Variants in ZGRF1 observed in about 807,000 individuals in gnomAD.
ZGRF1 encodes the protein 5'-3' DNA helicase ZGRF1.
ZGRF1 carries 196 observed loss-of-function variants against 203.5 expected under a neutral mutation model. The ratio of observed to expected loss-of-function variants is 0.96; its 90% CI spans 0.86 to 1.08. The LOEUF is 1.08. Among genes scored for constraint, ZGRF1 ranks in the 50% least tolerant of loss-of-function variants. The probability of loss-of-function intolerance (pLI) is 0.00; values close to 1 mark genes in which losing one functional copy is unlikely to be tolerated. For missense variants in ZGRF1, 2,326 were observed against 2,416.3 expected, an observed-to-expected ratio of 0.96 and a Z score of 0.78; for synonymous variants, 809 against 841.3, an observed-to-expected ratio of 0.96 and a Z score of 0.66.
rs1324404515 is a variant in ZGRF1 at position 112,587,924 on chromosome 4, T to C, written c.3133A>G (p.Lys1045Glu). The C allele has an allele frequency of 6.6e-7, 1 of 1,522,364 alleles. No homozygotes were observed. Among genetic ancestry groups the C allele is most frequent in the Non-Finnish European group, 8.8e-7 (1 of 1,136,458 alleles). 94.3% of individuals were successfully genotyped at this position (1,522,364 alleles called of 1,614,324 possible). The change falls in exon 12 of 28, where the codon AAA becomes GAA. Residue 1045 changes from lysine (K) to glutamate (E), a missense_variant. Coordinates refer to ENST00000505019, the MANE Select transcript of ZGRF1 (RefSeq NM_018392.5). ...TCATTCTCCAGAGAACGGGATTTTT[T>C]CATCCCTGAAAGAAAACAGAATGCT... ...DLHFLNLEGM[K>E]KSRSLENENL...
rs773764852 is a variant in ZGRF1 at position 112,619,620 on chromosome 4, T to C, written c.422A>G (p.His141Arg). The C allele has an allele frequency of 7.4e-6, 12 of 1,613,864 alleles. No homozygotes were observed. In the South Asian group the frequency reaches 9.9e-5, roughly 13 times the overall value. ...IMESGESAAS[H>R]EAKKTGPTIF... is the part of the protein sequence containing the mutation. ...AGTAGGGCCAGTTTTCTTAGCCTCA[T>C]GTGATGCAGCTGATTCACCACTTTC... Residue 141 changes from histidine to arginine, a missense_variant, in exon 6 of 28, where the codon CAT becomes CGT. His to Arg is a conservative substitution (Grantham distance 29). Transcript: ENST00000505019.
At chr4:112,612,988 T>C (rs1208019806) in intron 6 of ZGRF1, among the ~76,000 whole-genome samples, 1 of 152,148 alleles carries the variant, frequency 6.6e-6, no homozygotes, top group East Asian at 1.9e-4. Context: ...ACTGTTGCTA[T>C]GTACAAACAG....
rs572941686 is a variant in ZGRF1, at chr4:112,597,614, C to G, written c.2976+5910G>C. On this transcript the variant is annotated intron_variant, in intron 10 of 27. Transcript: ENST00000505019. Reference sequence around the variant, plus strand: ...TTACAAAGAAGTGGGCACAGTGGTTCACTCCTGTAATCCCAGCACTTTTGG... The same window carrying G: ...TTACAAAGAAGTGGGCACAGTGGTTGACTCCTGTAATCCCAGCACTTTTGG... Among the ~76,000 whole-genome samples the G allele has an allele frequency of 4.6e-5, 7 of 152,080 alleles. No individual in the cohort carries two copies. In the South Asian group the frequency reaches 1.5e-3, roughly 32 times the overall value.
At position 112,540,141 on chromosome 4, in the gene ZGRF1, A is replaced by G. The variant is rs1373468292; in HGVS notation, c.5911-17T>C. 2 of 1,518,778 alleles carry G rather than the reference A, an allele frequency of 1.3e-6. No individual in the cohort carries two copies. The highest frequency in any genetic ancestry group is 1.8e-6 in the Non-Finnish European group (2 of 1,128,694). 94.1% of individuals were successfully genotyped at this position (1,518,778 alleles called of 1,614,324 possible). ...ATGACAAAGCTGTGGAAGAAAAAAC[A>G]GCAATCATGTAGTAAGAGATTGTGA... On this transcript the variant is annotated splice_polypyrimidine_tract_variant and intron_variant, in intron 26 of 27. Transcript: ENST00000505019.
intron 11 of ZGRF1, among the ~76,000 whole-genome samples, chr4:112,588,539 G>A (rs1358077273): frequency 6.6e-6 from 1 of 152,056 alleles, no homozygotes; most frequent in Non-Finnish European, 1.5e-5. Context: ...TAAACTCATG[G>A]CAAATTCTGT....
In ZGRF1 at chr4:112,589,840, C is replaced by A. The variant is rs781648848; in HGVS notation, c.3011G>T (p.Ser1004Ile). 6.2e-7 allele frequency: 1 copy of A among 1,611,708 alleles called. No individual in the cohort carries two copies. The highest frequency in any genetic ancestry group is 1.1e-5 in the South Asian group (1 of 90,678). The part of the protein sequence containing the change: ...TSPEENISTL[S>I]PVSTFSLNSR... Reference sequence around the variant, plus strand: ...GTTCAAAGAAAAGGTAGAAACAGGGCTCAATGTAGAGATGTTTTCTTCTGG... The same window carrying A: ...GTTCAAAGAAAAGGTAGAAACAGGGATCAATGTAGAGATGTTTTCTTCTGG... The change falls in exon 11 of 28, where the codon AGC becomes ATC. Residue 1004 changes from serine to isoleucine, a missense_variant. By Grantham distance (142) the Ser-to-Ile change is moderately radical. Transcript: ENST00000505019.
At position 112,548,351 on chromosome 4, in the gene ZGRF1, G is replaced by A. The variant is rs1459181870; in HGVS notation, c.5376C>T (p.Ala1792=). ...QVRVVGVTCA[A]CPFPCMNDLK... Reference sequence around the variant, plus strand: ...GATCATTCATGCATGGGAATGGGCAGGCTGCACAGGTAACTCCAACTACTC... The same window carrying A: ...GATCATTCATGCATGGGAATGGGCAAGCTGCACAGGTAACTCCAACTACTC... The change falls in exon 23 of 28, where the codon GCC becomes GCT. Residue 1792 remains alanine, a synonymous_variant. Coordinates refer to ENST00000505019, the MANE Select transcript of ZGRF1 (RefSeq NM_018392.5). The A allele has an allele frequency of 6.4e-7, 1 of 1,555,140 alleles. No individual in the cohort carries two copies. Among genetic ancestry groups the A allele is most frequent in the East Asian group, 2.4e-5 (1 of 41,220 alleles).
At chr4:112,573,297 A>G (rs1744547140) in intron 16 of ZGRF1, among the ~76,000 whole-genome samples, 1 of 152,126 alleles carries the variant, frequency 6.6e-6, no homozygotes, top group African/African-American at 2.4e-5. Flanking sequence ...GAAGTAACTC[A>G]GGAATGGAAA....
intron 18 of ZGRF1, 37 bp downstream of exon 18, chr4:112,562,334 T>TGAG: frequency 9.0e-7 from 1 of 1,109,158 alleles, no homozygotes; most frequent in Middle Eastern, 2.0e-4. Context: ...ATTACCATTT[T>TGAG]TTAATACCAA....
At chr4:112,548,170 G>T in intron 23 of ZGRF1, 83 bp downstream of exon 23, 1 of 1,310,110 alleles carries the variant, frequency 7.6e-7, no homozygotes, top group Non-Finnish European at 1.1e-6. Flanking sequence ...CAAACTCCTA[G>T]ACTCAAGCAA....
In ZGRF1 at chr4:112,551,820, A is replaced by G. The variant is rs550131090; in HGVS notation, c.5346+2015T>C. Among the ~76,000 whole-genome samples, 20 of 149,846 alleles carry G rather than the reference A, an allele frequency of 1.3e-4. No individual in the cohort carries two copies. In the South Asian group the frequency reaches 3.0e-3, roughly 23 times the overall value. On this transcript the variant is annotated intron_variant, in intron 22 of 27. Coordinates refer to ENST00000505019, the MANE Select transcript of ZGRF1 (RefSeq NM_018392.5). ...AAAGAAATATCTAATACAAAAACCT[A>G]AAGTATTAAGTTTTCTTTAAAAAAT...
chr4:112,549,168 T>C (rs1487899176), intron 22 of ZGRF1, among the ~76,000 whole-genome samples: 1 of 151,616 alleles, frequency 6.6e-6, no homozygotes, highest in African/African-American at 2.4e-5. Context: ...GTAAATAAAA[T>C]GTACTCATAG....
chr4:112,540,500 A>G (rs1242263556), intron 26 of ZGRF1, among the ~76,000 whole-genome samples: 1 of 152,216 alleles, frequency 6.6e-6, no homozygotes, highest in East Asian at 1.9e-4. Context: ...CCAATAATAA[A>G]AGAACATTTT....
intron 16 of ZGRF1, among the ~76,000 whole-genome samples, chr4:112,574,545 A>G (rs1374283200): frequency 6.6e-6 from 1 of 152,178 alleles, no homozygotes; most frequent in Non-Finnish European, 1.5e-5. Flanking sequence ...GTTAACTTAA[A>G]TGTAGGTTGG....
chr4:112,564,167 T>C (rs565949869), intron 16 of ZGRF1, among the ~76,000 whole-genome samples: 2 of 152,302 alleles, frequency 1.3e-5, no homozygotes, highest in East Asian at 1.9e-4. Context: ...GTAAGGATAT[T>C]AGCAGTTCTA....
intron 6 of ZGRF1, among the ~76,000 whole-genome samples, chr4:112,616,493 C>A (rs1324252806): frequency 8.0e-6 from 1 of 124,446 alleles, no homozygotes. Flanking sequence ...CCACTGCACT[C>A]CAGCCTGGGT....
chr4:112,617,948 A>C lies in ZGRF1; in HGVS notation c.2094T>G (p.Ile698Met). The change falls in exon 6 of 28, where the codon ATT (isoleucine) becomes ATG (methionine). Residue 698 changes from isoleucine to methionine, a missense_variant. Transcript: ENST00000505019. The stretch of plus-strand genomic sequence containing the variant: ...CTGAAAATAGATTACTGTTTTCAGC[A>C]ATCTGGTTTTGAATATGAGGAATAT... ...NLHIPHIQNQ[I>M]AENSNLFSED... 17 of 1,613,414 alleles carry C rather than the reference A, an allele frequency of 1.1e-5. No individual in the cohort carries two copies. Among genetic ancestry groups the C allele is most frequent in the Non-Finnish European group, 1.4e-5 (17 of 1,179,966 alleles).
At chr4:112,544,543 AGAAGG>A (rs1329250845) in intron 24 of ZGRF1, among the ~76,000 whole-genome samples, 1 of 152,206 alleles carries the variant, frequency 6.6e-6, no homozygotes, top group Non-Finnish European at 1.5e-5. Flanking sequence ...CCTTTCCCAG[AGAAGG>A]GATACTCTTG....
At chr4:112,559,943 A>G (rs1741642321) in intron 19 of ZGRF1, among the ~76,000 whole-genome samples, 1 of 152,182 alleles carries the variant, frequency 6.6e-6, no homozygotes. Flanking sequence ...GCTAGAAGGA[A>G]CACATCTCAG....
Sources: allele counts gnomAD v4.1 joint callset (sites outside exome capture counted in the v4.1 genomes callset), GRCh38; gene constraint gnomAD v4.1.1; transcripts MANE v1.5; gene names NCBI Gene and HGNC (gene_info 2026-07-23, HGNC 2026-07-21).